Variants in CTNNA2 observed in about 807,000 individuals in gnomAD.
The protein encoded by CTNNA2 is catenin alpha 2.
In CTNNA2, 42 loss-of-function variants were observed where a neutral mutation model predicts 101.0. The observed-to-expected ratio is 0.42, with a 90% confidence interval of 0.32 to 0.54. CTNNA2 has a LOEUF of 0.54. Among genes scored for constraint, CTNNA2 ranks in the 20% least tolerant of loss-of-function variants. The pLI, the probability that CTNNA2 is intolerant of heterozygous loss-of-function variation, is 0.14. For missense variants in CTNNA2, 871 were observed against 1,223.1 expected (o/e 0.71, Z 4.29); for synonymous variants, 450 against 456.4 (o/e 0.99, Z 0.18).
chr2:80,582,626 G>T (rs1157015284), intron 14 of CTNNA2, among the ~76,000 whole-genome samples: 1 of 152,138 alleles, frequency 6.6e-6, no homozygotes, highest in East Asian at 1.9e-4. Context: ...AATCTTTAGA[G>T]ACTGCATAGG....
intron 12 of CTNNA2, among the ~76,000 whole-genome samples, chr2:80,559,644 A>G (rs1241233954): frequency 1.3e-5 from 2 of 152,198 alleles, no homozygotes; most frequent in Non-Finnish European, 2.9e-5. Context: ...TTCATTTTCT[A>G]TAAAACAATC....
At chr2:80,011,611 T>G (rs908202250) in intron 7 of CTNNA2, among the ~76,000 whole-genome samples, 1 of 152,206 alleles carries the variant, frequency 6.6e-6, no homozygotes, top group Non-Finnish European at 1.5e-5. Flanking sequence ...ATGAATGATC[T>G]CCATGGTCCT....
chr2:79,380,715 G>C (rs1201623035), intron 4 of CTNNA2, among the ~76,000 whole-genome samples: 1 of 152,148 alleles, frequency 6.6e-6, no homozygotes, highest in African/African-American at 2.4e-5. Flanking sequence ...TTCTCCACAG[G>C]AATATTTACC....
intron 9 of CTNNA2, among the ~76,000 whole-genome samples, chr2:80,438,186 C>T (rs907706249): frequency 6.6e-6 from 1 of 152,188 alleles, no homozygotes; most frequent in Non-Finnish European, 1.5e-5. Context: ...CATGGTCTTT[C>T]CTCTATGCTC....
At chr2:80,127,002 G>T (rs943193958) in intron 7 of CTNNA2, among the ~76,000 whole-genome samples, 15 of 152,170 alleles carry the variant, frequency 9.9e-5, no homozygotes, top group African/African-American at 3.4e-4. Context: ...ACAAGTGTGG[G>T]TTGTTGCTAT....
chr2:80,438,390 C>G (rs1195412148), intron 9 of CTNNA2, among the ~76,000 whole-genome samples: 5 of 150,264 alleles, frequency 3.3e-5, no homozygotes, highest in Non-Finnish European at 7.4e-5. Flanking sequence ...ATAACGATGC[C>G]AAATGTTTTT....
intron 14 of CTNNA2, among the ~76,000 whole-genome samples, chr2:80,585,974 A>G (rs1333828632): frequency 6.6e-6 from 1 of 152,220 alleles, no homozygotes; most frequent in Non-Finnish European, 1.5e-5. Flanking sequence ...CCCTAGAGTC[A>G]AAATAATATC....
At chr2:79,930,284 GAGAGAGAA>G (rs1400042877) in intron 7 of CTNNA2, among the ~76,000 whole-genome samples, 1 of 71,484 alleles carries the variant, frequency 1.4e-5, no homozygotes, top group Admixed American at 1.6e-4. Context: ...GAAAGAGAGA[GAGAGAGAA>G]AGAGAAAGAA....
At chr2:79,527,800 A>G (rs1400472299) in intron 1 of CTNNA2, among the ~76,000 whole-genome samples, 2 of 152,200 alleles carry the variant, frequency 1.3e-5, no homozygotes, top group Non-Finnish European at 2.9e-5. Context: ...TGACCCAACA[A>G]TTCTATTCTT....
chr2:80,544,416 A>G (rs1434270797), intron 9 of CTNNA2, among the ~76,000 whole-genome samples: 3 of 152,096 alleles, frequency 2.0e-5, no homozygotes, highest in African/African-American at 7.2e-5. Context: ...ATATTCCGCC[A>G]TTGTGTATTG....
At chr2:79,923,370 GT>G in intron 7 of CTNNA2, among the ~76,000 whole-genome samples, 1 of 152,022 alleles carries the variant, frequency 6.6e-6, no homozygotes, top group Non-Finnish European at 1.5e-5. Context: ...TCTGACTTTT[GT>G]TTTTTTCTGA....
intron 7 of CTNNA2, among the ~76,000 whole-genome samples, chr2:80,209,408 C>G (rs1309456785): frequency 6.6e-6 from 1 of 151,986 alleles, no homozygotes; most frequent in Non-Finnish European, 1.5e-5. Context: ...CCAGGCTGGT[C>G]TTGAACTCCT....
chr2:79,798,058 G>A (rs961547203), intron 3 of CTNNA2, among the ~76,000 whole-genome samples: 1 of 152,144 alleles, frequency 6.6e-6, no homozygotes, highest in Non-Finnish European at 1.5e-5. Flanking sequence ...ATAGTCCCAA[G>A]ACCTGCAGCA....
chr2:80,643,827 A>G (rs1673749258), intron 18 of CTNNA2, among the ~76,000 whole-genome samples: 1 of 152,168 alleles, frequency 6.6e-6, no homozygotes. Flanking sequence ...AAGGCCAGGA[A>G]GAACAAGGAA....
intron 11 of CTNNA2, among the ~76,000 whole-genome samples, chr2:80,552,676 C>T (rs1692674455): frequency 6.6e-6 from 1 of 152,136 alleles, no homozygotes; most frequent in Non-Finnish European, 1.5e-5. Context: ...TGCATACCTA[C>T]ACTACATGGT....
In CTNNA2 at chr2:79,205,600, A is replaced by G. The variant is rs189881426; in HGVS notation, c.-406+7524A>G. ...GACTGCATGTATAAGAGCTCATTAC[A>G]GTAATTCACTTTTCAACAGGAAAGT... is the stretch of plus-strand genomic sequence containing the variant. On this transcript the variant is annotated intron_variant, in intron 2 of 21. Transcript: ENST00000466387. Among the ~76,000 whole-genome samples the G allele has an allele frequency of 1.3e-4, 20 of 152,292 alleles. No individual in the cohort carries two copies. In the East Asian group the frequency reaches 3.3e-3, roughly 25 times the overall value.
At chr2:80,386,082 C>G (rs1364904368) in intron 7 of CTNNA2, among the ~76,000 whole-genome samples, 1 of 152,140 alleles carries the variant, frequency 6.6e-6, no homozygotes, top group Non-Finnish European at 1.5e-5. Flanking sequence ...GCTCTACTAT[C>G]GGATAGGGCC....
Position 79,344,874 on chromosome 2 carries a change from A to G in CTNNA2, c.-317-28957A>G, listed in dbSNP as rs144912112. On this transcript the variant is annotated intron_variant, in intron 3 of 21. Coordinates refer to the CTNNA2 transcript ENST00000466387. ...TATATATATAATATATTATATTTAT[A>G]TATATAATATATATATAAAGTCTTA... is the stretch of plus-strand genomic sequence containing the variant. Among the ~76,000 whole-genome samples the G allele has an allele frequency of 3.2e-3, 460 of 146,012 alleles. 2 individuals are homozygous for G. Among genetic ancestry groups the G allele is most frequent in the African/African-American group, 0.011 (447 of 40,182 alleles).
At chr2:80,475,347 C>T (rs1014473097) in intron 9 of CTNNA2, among the ~76,000 whole-genome samples, 2 of 152,072 alleles carry the variant, frequency 1.3e-5, no homozygotes, top group African/African-American at 4.8e-5. Context: ...CCATGTAATA[C>T]ACATGTGCTA....
Sources: gnomAD v4.1 joint callset for allele counts (sites outside exome capture counted in the v4.1 genomes callset) on GRCh38, gnomAD v4.1.1 for gene constraint, MANE v1.5 for transcripts, NCBI Gene and HGNC (gene_info 2026-07-23, HGNC 2026-07-21) for gene names.